The following PLAA variants were observed in gnomAD, a reference collection of about 807,000 sequenced individuals.
The protein encoded by PLAA is phospholipase A-2-activating protein.
A neutral mutation model predicts 84.1 loss-of-function variants in PLAA; 48 were observed. That is an observed-to-expected ratio of 0.57 (90% confidence interval 0.45 to 0.73). PLAA has a LOEUF of 0.73. Ranked by LOEUF, PLAA falls within the 30% of genes least tolerant of loss-of-function variation. PLAA has a pLI of 0.00. For synonymous variants in PLAA, 392 were observed against 336.6 expected (o/e 1.16, Z -1.80); for missense variants, 903 against 954.7 (o/e 0.95, Z 0.71).
At chr9:26,939,995 G>A (rs1028261129) in intron 1 of PLAA, among the ~76,000 whole-genome samples, 1 of 152,032 alleles carries the variant, frequency 6.6e-6, no homozygotes, top group African/African-American at 2.4e-5. Context: ...CAGAAAACAT[G>A]TAAGGAAAAA....
intron 1 of PLAA, among the ~76,000 whole-genome samples, chr9:26,941,596 G>A (rs1221870821): frequency 6.6e-6 from 1 of 152,032 alleles, no homozygotes; most frequent in Non-Finnish European, 1.5e-5. Flanking sequence ...AAATAGAGAT[G>A]AGAAAAAAAC....
intron 7 of PLAA, among the ~76,000 whole-genome samples, chr9:26,921,532 T>G (rs1824759159): frequency 6.6e-6 from 1 of 152,200 alleles, no homozygotes; most frequent in South Asian, 2.1e-4. Flanking sequence ...AAAAAGAAAA[T>G]CCAGCCTAAC....
At chr9:26,928,481 T>A in intron 2 of PLAA, 73 bp from the exon 3 acceptor site, 1 of 1,048,286 alleles carries the variant, frequency 9.5e-7, no homozygotes, top group Non-Finnish European at 1.5e-6. Context: ...TACTAAAGCA[T>A]TCCAATTTTA....
At position 26,935,140 on chromosome 9, in the gene PLAA, G is replaced by A; in HGVS notation, c.216C>T (p.Cys72=). 2 of 1,601,414 alleles carry A rather than the reference G, an allele frequency of 1.2e-6. No individual in the cohort carries two copies. Among genetic ancestry groups the A allele is most frequent in the South Asian group, 1.1e-5 (1 of 88,152 alleles). The part of the protein sequence containing the change: ...SGHSNFVSCV[C]IIPSSDIYPH... Reference sequence around the variant, plus strand: ...GGTAGATGTCACTTGAGGGTATGATGCATACACAAGATACAAAATTGGAAT... The same window carrying A: ...GGTAGATGTCACTTGAGGGTATGATACATACACAAGATACAAAATTGGAAT... Residue 72 remains cysteine, a synonymous_variant, in exon 2 of 14, where the codon TGC becomes TGT. Coordinates refer to ENST00000397292, the MANE Select transcript of PLAA (RefSeq NM_001031689.3).
intron 10 of PLAA, among the ~76,000 whole-genome samples, chr9:26,915,466 G>T (rs1281263590): frequency 6.6e-6 from 1 of 152,178 alleles, no homozygotes; most frequent in South Asian, 2.1e-4. Flanking sequence ...CTGACTTTAA[G>T]TTGTAGCCAG....
chr9:26,934,270 A>G (rs1290439201), intron 2 of PLAA, among the ~76,000 whole-genome samples: 1 of 152,212 alleles, frequency 6.6e-6, no homozygotes, highest in Non-Finnish European at 1.5e-5. Context: ...TCACAGAATC[A>G]GGAATATACA....
Position 26,926,397 on chromosome 9 carries a change from A to G in PLAA, c.729T>C (p.Cys243=). The change falls in exon 5 of 14, where the codon TGT becomes TGC. Residue 243 remains cysteine, a synonymous_variant. Transcript: ENST00000397292. ...YIYSISVFPN[C]RDFVTTAEDR... is the part of the protein sequence containing the mutation. ...AATAGCATAAAATAATCTTACCTCT[A>G]CAATTTGGAAAAACGGATATGCTAT... The G allele has an allele frequency of 1.3e-6, 2 of 1,582,118 alleles. No homozygotes were observed. The highest frequency in any genetic ancestry group is 1.7e-6 in the Non-Finnish European group (2 of 1,151,856).
At chr9:26,929,326 A>G (rs1485539701) in intron 2 of PLAA, among the ~76,000 whole-genome samples, 1 of 152,110 alleles carries the variant, frequency 6.6e-6, no homozygotes, top group Non-Finnish European at 1.5e-5. Context: ...CTCCAGCTCT[A>G]AAACAAAAAT....
chr9:26,926,171 A>G (rs1263939017), intron 5 of PLAA, among the ~76,000 whole-genome samples: 1 of 152,206 alleles, frequency 6.6e-6, no homozygotes, highest in Non-Finnish European at 1.5e-5. Flanking sequence ...TCAGATACCC[A>G]AGAACTTTTT....
chr9:26,907,799 C>T (rs1563904312), intron 13 of PLAA, 35 bp downstream of exon 13: 1 of 1,552,902 alleles, frequency 6.4e-7, no homozygotes, highest in Non-Finnish European at 8.7e-7. Context: ...AAACTTCTTG[C>T]TTTCTGGTTA....
At chr9:26,925,695 T>C (rs1824926361) in intron 6 of PLAA, 130 bp downstream of exon 6, 1 of 697,066 alleles carries the variant, frequency 1.4e-6, no homozygotes, top group East Asian at 2.6e-5. Context: ...TACTGTTTTG[T>C]TTAGTAATTG....
intron 1 of PLAA, among the ~76,000 whole-genome samples, chr9:26,942,816 T>A: frequency 6.8e-6 from 1 of 146,154 alleles, no homozygotes; most frequent in Non-Finnish European, 1.5e-5. Flanking sequence ...GAGGCGGGGC[T>A]TGCAGTGAGC....
chr9:26,909,395 T>C (rs963134953), intron 12 of PLAA, among the ~76,000 whole-genome samples: 1 of 152,166 alleles, frequency 6.6e-6, no homozygotes, highest in Non-Finnish European at 1.5e-5. Context: ...TAAGAAAATA[T>C]TAATGAGTGA....
chr9:26,905,180 A>G lies in PLAA; in HGVS notation c.*331T>C. On this transcript the variant is annotated 3_prime_UTR_variant, in exon 14 of 14. Transcript: ENST00000397292. The stretch of plus-strand genomic sequence containing the variant: ...GACAACAACAGTTTGGTGTACATTA[A>G]GTAATAAAAGCAAGTTATATGAGTA... 4.2e-6 allele frequency: 1 copy of G among 238,192 alleles called. No individual in the cohort carries two copies. Among genetic ancestry groups the G allele is most frequent in the Non-Finnish European group, 8.2e-6 (1 of 122,310 alleles). 14.8% of individuals were successfully genotyped at this position (238,192 alleles called of 1,614,324 possible).
Position 26,905,757 on chromosome 9 carries a change from A to G in PLAA, c.2142T>C (p.His714=). 1 of 1,614,188 alleles carries G rather than the reference A, an allele frequency of 6.2e-7. No homozygotes were observed. ...TLALNYSVCF[H]KDHNIEGKAQ... ...CTTTCCCTTCAATGTTATGGTCTTT[A>G]TGAAAACAAACAGAATAGTTCAGGG... The change falls in exon 14 of 14, where the codon CAT becomes CAC. Residue 714 remains histidine (H), a synonymous_variant. Transcript: ENST00000397292.
In PLAA at chr9:26,942,751, G is replaced by A. The variant is rs144089457; in HGVS notation, c.149+4146C>T. On this transcript the variant is annotated intron_variant, in intron 1 of 13. Coordinates refer to ENST00000397292, the MANE Select transcript of PLAA (RefSeq NM_001031689.3). ...CAAAAAATTAGCCGGGCGCCGTGGC[G>A]GGCGCCTAAAGTCCCAGCTACTCGG... Among the ~76,000 whole-genome samples, 1,491 of 152,050 alleles carry A rather than the reference G, an allele frequency of 9.8e-3. 20 individuals are homozygous for A. The highest frequency in any genetic ancestry group is 0.034 in the African/African-American group (1,401 of 41,490).
At chr9:26,907,558 AAAC>A (rs1824275893) in intron 13 of PLAA, 2 of 336,892 alleles carry the variant, frequency 5.9e-6, no homozygotes, top group Non-Finnish European at 1.1e-5. Flanking sequence ...AAACAAAACA[AAAC>A]AAAAAAACAA....
chr9:26,927,855 T>C (rs7019692), intron 4 of PLAA, among the ~76,000 whole-genome samples: 32,301 of 152,110 alleles, frequency 0.21, 4,009 homozygotes, highest in African/African-American at 0.34. Context: ...GAAGCACATA[T>C]GCATATTATA....
At chr9:26,938,751 A>T (rs1389978979) in intron 1 of PLAA, among the ~76,000 whole-genome samples, 1 of 152,170 alleles carries the variant, frequency 6.6e-6, no homozygotes, top group South Asian at 2.1e-4. Context: ...TTTCTATGTC[A>T]TTTAAGAAAC....
Sources: allele counts gnomAD v4.1 joint callset (sites outside exome capture counted in the v4.1 genomes callset), GRCh38; gene constraint gnomAD v4.1.1; transcripts MANE v1.5; gene names NCBI Gene and HGNC (gene_info 2026-07-23, HGNC 2026-07-21).